Variants in LAMC3 observed in about 807,000 individuals in gnomAD.
LAMC3 encodes laminin subunit gamma-3.
A neutral mutation model predicts 173.8 loss-of-function variants in LAMC3; 128 were observed. The ratio of observed to expected loss-of-function variants is 0.74; its 90% CI spans 0.64 to 0.85. The LOEUF is 0.85. Ranked by LOEUF, LAMC3 falls within the 40% of genes least tolerant of loss-of-function variation. The probability of loss-of-function intolerance (pLI) is 0.00; values close to 1 mark genes in which losing one functional copy is unlikely to be tolerated. For missense variants in LAMC3, 2,022 were observed against 2,156.0 expected (o/e 0.94, Z 1.23); for synonymous variants, 897 against 909.1 (o/e 0.99, Z 0.24).
chr9:131,032,674 C>G (rs1403403911), intron 3 of LAMC3, among the ~76,000 whole-genome samples: 1 of 150,760 alleles, frequency 6.6e-6, no homozygotes. Context: ...CTCTCTCTCG[C>G]TCTCTCTCTC....
intron 14 of LAMC3, 51 bp from the exon 15 acceptor site, chr9:131,068,027 G>A: frequency 6.3e-7 from 1 of 1,598,368 alleles, no homozygotes; most frequent in East Asian, 2.2e-5. Flanking sequence ...CCCAAAGTTG[G>A]AACAGACAAT....
intron 1 of LAMC3, among the ~76,000 whole-genome samples, chr9:131,022,611 A>G (rs1176703109): frequency 6.6e-6 from 1 of 152,058 alleles, no homozygotes; most frequent in Non-Finnish European, 1.5e-5. Context: ...CACAGGCTGG[A>G]GTGCAGTGGC....
chr9:131,045,810 G>T, intron 8 of LAMC3, 150 bp downstream of exon 8: 1 of 972,282 alleles, frequency 1.0e-6, no homozygotes. Flanking sequence ...GGGGTGAGAT[G>T]ATGGCTCCCC....
At chr9:131,052,345 G>A (rs1410142529) in intron 9 of LAMC3, 146 bp from the exon 10 acceptor site, 2 of 737,670 alleles carry the variant, frequency 2.7e-6, no homozygotes, top group Non-Finnish European at 2.3e-6. Flanking sequence ...GCCCCCTGCA[G>A]GGTCTGCTGT....
chr9:131,085,529 A>C lies in LAMC3; in HGVS notation c.4036A>C (p.Lys1346Gln). The C allele has an allele frequency of 2.5e-6, 4 of 1,613,870 alleles. No homozygotes were observed. Among genetic ancestry groups the C allele is most frequent in the Non-Finnish European group, 3.4e-6 (4 of 1,180,004 alleles). The change falls in exon 25 of 28, where the codon AAG (lysine) becomes CAG (glutamine). Residue 1346 changes from lysine (K) to glutamine (Q), a missense_variant. Physicochemically the swap from Lys to Gln is moderately conservative, Grantham distance 53. Transcript: ENST00000361069. ...AGCCTCAGCCGGGTTTGCAGGAATGAAGCTGCAGTTTCCCCGGCCCAAGGA... is the reference window on the plus strand; with the variant it reads ...AGCCTCAGCCGGGTTTGCAGGAATGCAGCTGCAGTTTCCCCGGCCCAAGGA... ...RTLLADLEGM[K>Q]LQFPRPKDQA...
At position 131,052,925 on chromosome 9, in the gene LAMC3, C is replaced by T; in HGVS notation, c.1899C>T (p.Thr633=). The change falls in exon 11 of 28, where the codon ACC becomes ACT. Residue 633 remains threonine (T), a synonymous_variant. Coordinates refer to ENST00000361069, the MANE Select transcript of LAMC3 (RefSeq NM_006059.4). Reference sequence around the variant, plus strand: ...TCCAGCGGCTCCTCGCCAACCTGACCAGCCTCCGCCTCCGCGTCAGTCCCG... The same window carrying T: ...TCCAGCGGCTCCTCGCCAACCTGACTAGCCTCCGCCTCCGCGTCAGTCCCG... The part of the protein sequence containing the change: ...FHFQRLLANL[T]SLRLRVSPGP... 1 of 1,613,866 alleles carries T rather than the reference C, an allele frequency of 6.2e-7. No individual in the cohort carries two copies. The highest frequency in any genetic ancestry group is 1.1e-5 in the South Asian group (1 of 91,084).
intron 27 of LAMC3, among the ~76,000 whole-genome samples, chr9:131,091,048 C>A (rs529334432): frequency 3.5e-4 from 54 of 152,244 alleles, no homozygotes; most frequent in Non-Finnish European, 2.9e-4. Flanking sequence ...ATCCATCCAT[C>A]CATACATACA....
At position 131,092,009 on chromosome 9, in the gene LAMC3, C is replaced by A. The variant is rs1222188031; in HGVS notation, c.*222C>A. 5 of 603,496 alleles carry A rather than the reference C, an allele frequency of 8.3e-6. No individual in the cohort carries two copies. In the South Asian group the frequency reaches 9.8e-5, roughly 12 times the overall value. 37.4% of individuals were successfully genotyped at this position (603,496 alleles called of 1,614,324 possible). A position where few individuals can be genotyped will look rare whatever the true frequency, so the allele number is the denominator to read the frequency against. The stretch of plus-strand genomic sequence containing the variant: ...CAGTTCACCTGGACATGAGTGCACA[C>A]TCTCACCCCTGCACATGCATAAACG... On this transcript the variant is annotated 3_prime_UTR_variant, in exon 28 of 28. Coordinates refer to ENST00000361069, the MANE Select transcript of LAMC3 (RefSeq NM_006059.4).
intron 6 of LAMC3, among the ~76,000 whole-genome samples, chr9:131,040,699 C>T (rs546010380): frequency 6.6e-6 from 1 of 152,148 alleles, no homozygotes; most frequent in African/African-American, 2.4e-5. Flanking sequence ...ACCCCTGCCC[C>T]CTCTCCCCAG....
chr9:131,012,072 C>T (rs959183747), intron 1 of LAMC3, among the ~76,000 whole-genome samples: 14 of 151,802 alleles, frequency 9.2e-5, no homozygotes, highest in African/African-American at 3.4e-4. Flanking sequence ...TACACACACA[C>T]ACACACACAC....
intron 8 of LAMC3, among the ~76,000 whole-genome samples, chr9:131,047,760 G>A (rs1359968735): frequency 6.6e-6 from 1 of 151,650 alleles, no homozygotes; most frequent in African/African-American, 2.4e-5. Flanking sequence ...CTACTCGGGA[G>A]GCTGAGGCAG....
rs367598489 is a variant in LAMC3 at position 131,026,404 on chromosome 9, G to T, written c.493G>T (p.Ala165Ser). ...ATGGGAGCCCTACCAGTTCTACAGC[G>T]CCTCCTGCCAGAAGACCTACGGCCG... ...GPWEPYQFYS[A>S]SCQKTYGRPE... The change falls in exon 2 of 28, where the codon GCC becomes TCC. Residue 165 changes from alanine (A) to serine (S), a missense_variant. Ala to Ser is a moderately conservative substitution (Grantham distance 99). Coordinates refer to ENST00000361069, the MANE Select transcript of LAMC3 (RefSeq NM_006059.4). The surrounding 1 kb of genome is among the most constrained non-coding windows in gnomAD (Gnocchi z 4.8). 20 of 1,614,090 alleles carry T rather than the reference G, an allele frequency of 1.2e-5. No homozygotes were observed. Among genetic ancestry groups the T allele is most frequent in the Non-Finnish European group, 1.7e-5 (20 of 1,180,030 alleles).
At chr9:131,058,587 G>A (rs533585800) in intron 12 of LAMC3, among the ~76,000 whole-genome samples, 3 of 151,786 alleles carry the variant, frequency 2.0e-5, no homozygotes, top group South Asian at 2.1e-4. Flanking sequence ...AGGCTGCTGG[G>A]CATTTTTCTT....
intron 25 of LAMC3, among the ~76,000 whole-genome samples, chr9:131,087,177 C>A (rs192472194): frequency 6.6e-6 from 1 of 152,246 alleles, no homozygotes; most frequent in Non-Finnish European, 1.5e-5. Flanking sequence ...TAGGGGTCCC[C>A]GGGCTTGATC....
At chr9:131,084,954 AAAG>A (rs1043606043) in intron 24 of LAMC3, among the ~76,000 whole-genome samples, 36 of 152,196 alleles carry the variant, frequency 2.4e-4, no homozygotes, top group Non-Finnish European at 5.1e-4. Context: ...AAAAAAAAAA[AAAG>A]AGAATTGTAA....
chr9:131,076,631 C>T (rs1298730568), intron 21 of LAMC3, among the ~76,000 whole-genome samples: 1 of 152,114 alleles, frequency 6.6e-6, no homozygotes, highest in Non-Finnish European at 1.5e-5. Flanking sequence ...ATGCCCTTGT[C>T]GAGGAAGAAT....
intron 1 of LAMC3, among the ~76,000 whole-genome samples, chr9:131,025,563 G>C (rs1238438233): frequency 4.6e-5 from 7 of 152,088 alleles, no homozygotes; most frequent in Admixed American, 4.6e-4. Flanking sequence ...AGGGGGCCAA[G>C]GCAGGCAAAG....
At chr9:131,067,304 A>T (rs1829957342) in intron 14 of LAMC3, 99 bp downstream of exon 14, 1 of 1,508,602 alleles carries the variant, frequency 6.6e-7, no homozygotes, top group Non-Finnish European at 9.1e-7. Flanking sequence ...AACCCACCAG[A>T]ACCAGCTGGC....
rs775680606 is a variant in LAMC3 at position 131,052,876 on chromosome 9, C to T, written c.1850C>T (p.Ala617Val). 1 of 1,612,804 alleles carries T rather than the reference C, an allele frequency of 6.2e-7. No homozygotes were observed. The highest frequency in any genetic ancestry group is 8.5e-7 in the Non-Finnish European group (1 of 1,179,438). Residue 617 changes from alanine (A) to valine (V), a missense_variant, in exon 11 of 28, where the codon GCC becomes GTC. By Grantham distance (64) the Ala-to-Val change is moderately conservative. Coordinates refer to ENST00000361069, the MANE Select transcript of LAMC3 (RefSeq NM_006059.4). The stretch of plus-strand genomic sequence containing the variant: ...CTGCAGGAGACCTCCGAGGACGTGG[C>T]CCCTCCACTGCCCCCCTTCCACTTC... ...FHLQETSEDV[A>V]PPLPPFHFQR...
Sources: allele counts gnomAD v4.1 joint callset (sites outside exome capture counted in the v4.1 genomes callset), GRCh38; gene constraint gnomAD v4.1.1; non-coding constraint Gnocchi (gnomAD v3.1); transcripts MANE v1.5; gene names NCBI Gene and HGNC (gene_info 2026-07-23, HGNC 2026-07-21).